The following PDE11A variants were observed in gnomAD, a reference collection of about 807,000 sequenced individuals.
PDE11A encodes dual 3',5'-cyclic-AMP and -GMP phosphodiesterase 11A.
PDE11A carries 100 observed loss-of-function variants against 100.5 expected under a neutral mutation model. The ratio of observed to expected loss-of-function variants is 1.00; its 90% CI spans 0.85 to 1.18. The LOEUF (loss-of-function observed/expected upper bound fraction) is 1.18, where lower values mean the gene tolerates loss of function less well. Among genes scored for constraint, PDE11A ranks in the 50% most tolerant of loss-of-function variants. The pLI is 0.00. For missense variants in PDE11A, 1,141 were observed against 1,152.6 expected (o/e 0.99, Z 0.15); for synonymous variants, 381 against 420.8 (o/e 0.91, Z 1.16).
chr2:177,873,129 A>G (rs563804374), intron 5 of PDE11A, among the ~76,000 whole-genome samples: 2 of 152,298 alleles, frequency 1.3e-5, no homozygotes, highest in African/African-American at 2.4e-5. Context: ...TTCTCTCAGG[A>G]TTAAAAATAA....
At chr2:177,853,664 ATATATATATATATATATGTGTGTGTG>A (rs1180114312) in intron 5 of PDE11A, among the ~76,000 whole-genome samples, 1 of 31,714 alleles carries the variant, frequency 3.2e-5, no homozygotes. Context: ...ATATATATAT[ATATATATATATATATATGTGTGTGTG>A]TGTGTGTGTG....
chr2:177,834,870 C>T (rs968056458), intron 6 of PDE11A, among the ~76,000 whole-genome samples: 1 of 151,814 alleles, frequency 6.6e-6, no homozygotes, highest in Non-Finnish European at 1.5e-5. Context: ...TTTTGGAAGG[C>T]ATCTTGTTAG....
intron 2 of PDE11A, among the ~76,000 whole-genome samples, chr2:177,993,506 G>T (rs1414122514): frequency 1.3e-5 from 2 of 152,054 alleles, no homozygotes; most frequent in Non-Finnish European, 1.5e-5. Flanking sequence ...ATAAAATAAG[G>T]CTTGTGCAGC....
At chr2:177,629,616 G>C in intron 19 of PDE11A, 54 bp from the exon 20 acceptor site, 1 of 1,575,682 alleles carries the variant, frequency 6.3e-7, no homozygotes, top group Non-Finnish European at 8.7e-7. Context: ...CAGAGTAACT[G>C]ACATGATTTT....
chr2:178,100,514 G>A (rs1275155167), intron 2 of PDE11A, among the ~76,000 whole-genome samples: 1 of 152,112 alleles, frequency 6.6e-6, no homozygotes, highest in East Asian at 1.9e-4. Context: ...TTTTAGCCAA[G>A]CTGTGCTAAC....
intron 3 of PDE11A, among the ~76,000 whole-genome samples, chr2:177,904,282 A>G (rs905925571): frequency 2.0e-5 from 3 of 152,160 alleles, no homozygotes; most frequent in African/African-American, 7.2e-5. Context: ...GTGTTTCTTT[A>G]TAATACTGTA....
intron 4 of PDE11A, among the ~76,000 whole-genome samples, 168 bp from the exon 5 acceptor site, chr2:177,876,091 A>AAC (rs1489772039): frequency 4.6e-5 from 7 of 152,224 alleles, no homozygotes; most frequent in Admixed American, 1.3e-4. Context: ...ATCCCATCCT[A>AAC]CATCTTGTAT....
intron 1 of PDE11A, among the ~76,000 whole-genome samples, chr2:178,062,008 T>C (rs2086975878): frequency 6.6e-6 from 1 of 152,206 alleles, no homozygotes; most frequent in African/African-American, 2.4e-5. Context: ...GCCCTTTATA[T>C]TTTAAAACTC....
At chr2:178,036,835 C>T (rs948774099) in intron 1 of PDE11A, among the ~76,000 whole-genome samples, 2 of 152,128 alleles carry the variant, frequency 1.3e-5, no homozygotes, top group East Asian at 1.9e-4. Flanking sequence ...AAAACAGAAA[C>T]TGGACCCCTT....
Position 177,626,151 on chromosome 2 carries a change from T to G in PDE11A, c.*3256A>C, listed in dbSNP as rs1390141493. ...AACGGCAAGAAAATGAGAGGAAAAC[T>G]CAACCTTAGTGGAAGCTTGTAGGGT... On this transcript the variant is annotated 3_prime_UTR_variant, in exon 20 of 20. Coordinates refer to ENST00000286063, the MANE Select transcript of PDE11A (RefSeq NM_016953.4). 6.6e-6 allele frequency: 1 copy of G among 152,648 alleles called. No individual in the cohort carries two copies. Among genetic ancestry groups the G allele is most frequent in the Non-Finnish European group, 1.5e-5 (1 of 68,052 alleles). 9.5% of individuals were successfully genotyped at this position (152,648 alleles called of 1,614,324 possible). A position where few individuals can be genotyped will look rare whatever the true frequency, so the allele number is the denominator to read the frequency against.
intron 2 of PDE11A, among the ~76,000 whole-genome samples, chr2:177,921,471 C>CAAAAAAAAAAAA (rs370144102): frequency 1.0e-5 from 1 of 98,448 alleles, no homozygotes; most frequent in Non-Finnish European, 2.2e-5. Flanking sequence ...CATCTAAAAG[C>CAAAAAAAAAAAA]AAAAAAAAAA....
At chr2:177,946,983 C>T (rs867377500) in intron 2 of PDE11A, among the ~76,000 whole-genome samples, 2 of 84,270 alleles carry the variant, frequency 2.4e-5, no homozygotes, top group African/African-American at 4.4e-5. Context: ...GCCCCCCGCC[C>T]GGCCAGCCGC....
intron 4 of PDE11A, among the ~76,000 whole-genome samples, chr2:177,879,768 T>A (rs6708449): frequency 0.022 from 3,411 of 152,246 alleles, 58 homozygotes; most frequent in East Asian, 0.075. Flanking sequence ...AACCTGTAGA[T>A]CTACAGAGAA....
chr2:177,932,230 A>G (rs1302654401), intron 2 of PDE11A, among the ~76,000 whole-genome samples: 1 of 152,202 alleles, frequency 6.6e-6, no homozygotes, highest in Non-Finnish European at 1.5e-5. Context: ...CCAGATGTAC[A>G]AAGAAGAGCT....
At chr2:177,641,268 C>T (rs2080137537) in intron 19 of PDE11A, among the ~76,000 whole-genome samples, 1 of 151,996 alleles carries the variant, frequency 6.6e-6, no homozygotes, top group Admixed American at 6.6e-5. Flanking sequence ...AGAATGAAAT[C>T]CAGAAACAAA....
intron 5 of PDE11A, among the ~76,000 whole-genome samples, chr2:177,849,063 A>G (rs2083652632): frequency 6.6e-6 from 1 of 152,222 alleles, no homozygotes; most frequent in African/African-American, 2.4e-5. Flanking sequence ...TTCAAGAATG[A>G]CAACTAGTTT....
chr2:177,751,508 G>A (rs973967713), intron 10 of PDE11A, among the ~76,000 whole-genome samples: 3 of 152,168 alleles, frequency 2.0e-5, no homozygotes, highest in Non-Finnish European at 4.4e-5. Context: ...CCCCAGAAAT[G>A]TCCATATCAT....
chr2:177,828,010 A>G (rs1247901590), intron 6 of PDE11A, among the ~76,000 whole-genome samples: 1 of 152,266 alleles, frequency 6.6e-6, no homozygotes, highest in Non-Finnish European at 1.5e-5. Flanking sequence ...TATTATTTCA[A>G]TAATGGTTTT....
chr2:177,767,739 C>T (rs551810341), intron 10 of PDE11A, among the ~76,000 whole-genome samples: 10 of 152,216 alleles, frequency 6.6e-5, no homozygotes, highest in African/African-American at 2.4e-4. Context: ...ACCATTGGTG[C>T]TCTTCAGATG....
Sources: gnomAD v4.1 joint callset for allele counts (sites outside exome capture counted in the v4.1 genomes callset) on GRCh38, gnomAD v4.1.1 for gene constraint, MANE v1.5 for transcripts, NCBI Gene and HGNC (gene_info 2026-07-23, HGNC 2026-07-21) for gene names.